Variants in TTC7B observed in about 807,000 individuals in gnomAD.
TTC7B encodes the protein tetratricopeptide repeat domain 7B.
TTC7B carries 28 observed loss-of-function variants against 106.8 expected under a neutral mutation model. The ratio of observed to expected loss-of-function variants is 0.26; its 90% confidence interval spans 0.19 to 0.36. TTC7B has a LOEUF of 0.36. TTC7B is among the 10% of genes least tolerant of loss of function. TTC7B has a pLI of 1.00. For synonymous variants in TTC7B, 405 were observed against 430.6 expected, an observed-to-expected ratio of 0.94 and a Z score of 0.74; for missense variants, 862 against 1,076.4, an observed-to-expected ratio of 0.80 and a Z score of 2.79.
chr14:90,655,206 G>A (rs1394638147), intron 11 of TTC7B, 96 bp from the exon 12 acceptor site: 2 of 865,292 alleles, frequency 2.3e-6, no homozygotes, highest in Non-Finnish European at 3.9e-6. Flanking sequence ...TTTCTGATGA[G>A]TCACTTTGAA....
Position 90,652,909 on chromosome 14 carries a change from G to A in TTC7B, c.1460-11C>T, listed in dbSNP as rs777278212. 14 of 1,614,116 alleles carry A rather than the reference G, an allele frequency of 8.7e-6. No homozygotes were observed. Among genetic ancestry groups the A allele is most frequent in the Admixed American group, 1.7e-5 (1 of 60,012 alleles). On this transcript the variant is annotated splice_polypyrimidine_tract_variant and intron_variant, in intron 12 of 19. Coordinates refer to ENST00000328459, the MANE Select transcript of TTC7B (RefSeq NM_001010854.2). Reference sequence around the variant, plus strand: ...TCCCTCGCAAAGAAGCTAAGAAAAGGGTTCAATTAGTCAGTGGCATGGGGG... The same window carrying A: ...TCCCTCGCAAAGAAGCTAAGAAAAGAGTTCAATTAGTCAGTGGCATGGGGG...
intron 2 of TTC7B, among the ~76,000 whole-genome samples, chr14:90,785,372 A>C (rs1414838894): frequency 6.6e-6 from 1 of 152,148 alleles, no homozygotes; most frequent in Non-Finnish European, 1.5e-5. Flanking sequence ...GAGCTCCAGA[A>C]GTTCACCAAA....
At chr14:90,586,227 G>A (rs574509370) in intron 18 of TTC7B, among the ~76,000 whole-genome samples, 3 of 152,114 alleles carry the variant, frequency 2.0e-5, no homozygotes, top group African/African-American at 4.8e-5. Context: ...CCGCCTTGCC[G>A]ACCACTCCCC....
intron 17 of TTC7B, among the ~76,000 whole-genome samples, chr14:90,599,897 G>A (rs1031749519): frequency 1.3e-5 from 2 of 152,226 alleles, no homozygotes; most frequent in Middle Eastern, 3.4e-3. Flanking sequence ...AGCATTCTGT[G>A]AGCTAGCTTT....
intron 19 of TTC7B, among the ~76,000 whole-genome samples, chr14:90,560,817 G>T (rs1890542654): frequency 6.6e-6 from 1 of 152,240 alleles, no homozygotes; most frequent in African/African-American, 2.4e-5. Context: ...GCTGCTGGCG[G>T]CAAGGAAGGT....
rs528282656 is a variant in TTC7B at position 90,760,445 on chromosome 14, G to T, written c.446-15523C>A. Among the ~76,000 whole-genome samples the T allele has an allele frequency of 2.6e-5, 4 of 152,168 alleles. No homozygotes were observed. In the East Asian group the frequency reaches 7.7e-4, roughly 29 times the overall value. ...TAAGGGAGAGGATGACTCTTTTTTC[G>T]AGATAATTAGCTCCTGATTATCTCA... On this transcript the variant is annotated intron_variant, in intron 3 of 19. Coordinates refer to ENST00000328459, the MANE Select transcript of TTC7B (RefSeq NM_001010854.2).
chr14:90,606,403 T>C (rs1246073744), intron 17 of TTC7B, among the ~76,000 whole-genome samples: 1 of 152,200 alleles, frequency 6.6e-6, no homozygotes, highest in African/African-American at 2.4e-5. Flanking sequence ...ACAAAGTGGA[T>C]CAAACTTTCA....
intron 3 of TTC7B, among the ~76,000 whole-genome samples, chr14:90,754,637 G>A (rs1433014638): frequency 1.3e-5 from 2 of 152,042 alleles, no homozygotes; most frequent in African/African-American, 2.4e-5. Flanking sequence ...TGTACAGTTC[G>A]GTGGTTTTAG....
At position 90,575,572 on chromosome 14, in the gene TTC7B, C is replaced by A. The variant is rs186576385; in HGVS notation, c.2310+2534G>T. 1.3e-4 allele frequency among the ~76,000 whole-genome samples: 20 copies of A among 152,318 alleles called. No homozygotes were observed. The highest frequency in any genetic ancestry group is 4.8e-4 in the African/African-American group (20 of 41,590). On this transcript the variant is annotated intron_variant, in intron 19 of 19. Transcript: ENST00000328459. This position sits in a 1 kb window ranked among gnomAD's most constrained non-coding sequence, Gnocchi z 5.2. The stretch of plus-strand genomic sequence containing the variant: ...TGCCCCTCCACAGGCACCAGAGGGT[C>A]CTGCAGCACCAGTGGGAGGGGGGCC...
At chr14:90,789,062 G>A (rs989502895) in intron 1 of TTC7B, among the ~76,000 whole-genome samples, 1 of 152,052 alleles carries the variant, frequency 6.6e-6, no homozygotes, top group Non-Finnish European at 1.5e-5. Flanking sequence ...CTGTTCAATA[G>A]AAATATATGC....
chr14:90,646,424 G>C (rs1470158955), intron 14 of TTC7B, among the ~76,000 whole-genome samples: 2 of 152,236 alleles, frequency 1.3e-5, no homozygotes, highest in African/African-American at 4.8e-5. Flanking sequence ...AGGAGATAGT[G>C]TTAAGTCCCC....
rs900759209 is a variant in TTC7B, at chr14:90,577,613, G to A, written c.2310+493C>T. ...CATGGCCAGACACCCCCGCTGGTAG[G>A]ATGCTCCCTCCCAGCCAATGGCCTC... On this transcript the variant is annotated intron_variant, in intron 19 of 19. Coordinates refer to ENST00000328459, the MANE Select transcript of TTC7B (RefSeq NM_001010854.2). This position sits in a 1 kb window ranked among gnomAD's most constrained non-coding sequence, Gnocchi z 5.0. Among the ~76,000 whole-genome samples, 1 of 152,192 alleles carries A rather than the reference G, an allele frequency of 6.6e-6. No homozygotes were observed. Among genetic ancestry groups the A allele is most frequent in the Non-Finnish European group, 1.5e-5 (1 of 68,036 alleles).
intron 13 of TTC7B, chr14:90,647,443 C>T (rs1885511000): frequency 6.4e-6 from 1 of 155,256 alleles, no homozygotes; most frequent in Non-Finnish European, 1.4e-5. Context: ...CTTAATGCTA[C>T]TTTATCCAAA....
chr14:90,672,644 G>A (rs1231609022), intron 9 of TTC7B, among the ~76,000 whole-genome samples: 1 of 152,150 alleles, frequency 6.6e-6, no homozygotes, highest in African/African-American at 2.4e-5. Context: ...GCTGCAATTG[G>A]CCTATTCCAT....
Position 90,657,344 on chromosome 14 carries a change from C to A in TTC7B, c.1237-66G>T. ...TGACAGAACCGAATACTACAGCCTT[C>A]TCAGAGGGGTTTTTGGTCAGGGTGA... On this transcript the variant is annotated intron_variant, in intron 10 of 19. Coordinates refer to ENST00000328459, the MANE Select transcript of TTC7B (RefSeq NM_001010854.2). The surrounding 1 kb of genome is among the most constrained non-coding windows in gnomAD (Gnocchi z 4.2). 1 of 1,524,898 alleles carries A rather than the reference C, an allele frequency of 6.6e-7. No individual in the cohort carries two copies. The highest frequency in any genetic ancestry group is 8.9e-7 in the Non-Finnish European group (1 of 1,118,968). The allele number at this position is 1,524,898 out of a possible 1,614,324, so 94.5% of individuals were successfully genotyped here. A position where few individuals can be genotyped will look rare whatever the true frequency, so the allele number is the denominator to read the frequency against.
intron 3 of TTC7B, among the ~76,000 whole-genome samples, chr14:90,753,999 A>G (rs112891282): frequency 0.011 from 1,623 of 152,372 alleles, 30 homozygotes; most frequent in African/African-American, 0.038. Context: ...TCTATTTAGT[A>G]ACCCTATAAT....
At chr14:90,778,013 C>T (rs1220557259) in intron 3 of TTC7B, among the ~76,000 whole-genome samples, 2 of 152,144 alleles carry the variant, frequency 1.3e-5, no homozygotes, top group East Asian at 3.9e-4. Context: ...GCACAAGGCC[C>T]CAGAGCCAGC....
At chr14:90,550,018 C>T (rs1195313696) in intron 19 of TTC7B, among the ~76,000 whole-genome samples, 3 of 152,164 alleles carry the variant, frequency 2.0e-5, no homozygotes, top group South Asian at 4.1e-4. Context: ...ACTAAGACCA[C>T]GACAGGCAAG....
chr14:90,792,553 G>C (rs888168800), intron 1 of TTC7B, among the ~76,000 whole-genome samples: 6 of 152,164 alleles, frequency 3.9e-5, no homozygotes, highest in African/African-American at 1.2e-4. Flanking sequence ...CTCCAGCCTG[G>C]GCAGCAGAGC....
Sources: gnomAD v4.1 joint callset for allele counts (sites outside exome capture counted in the v4.1 genomes callset) on GRCh38, gnomAD v4.1.1 for gene constraint, Gnocchi (gnomAD v3.1) non-coding constraint, MANE v1.5 for transcripts, NCBI Gene and HGNC (gene_info 2026-07-23, HGNC 2026-07-21) for gene names.